The following SLC37A3 variants were observed in gnomAD, a reference collection of about 807,000 sequenced individuals.
The protein encoded by SLC37A3 is sugar phosphate exchanger 3.
Under a neutral mutation model 67.1 loss-of-function variants are expected in SLC37A3, and 51 were observed. That is an observed-to-expected ratio of 0.76 (90% CI 0.61 to 0.96). SLC37A3 has a LOEUF of 0.96. Ranked by LOEUF, SLC37A3 falls within the 40% of genes least tolerant of loss-of-function variation. The pLI is 0.00. For missense variants in SLC37A3, 508 were observed against 603.0 expected (o/e 0.84, Z 1.65); for synonymous variants, 214 against 231.4 (o/e 0.92, Z 0.68).
At chr7:140,384,567 A>G (rs1798376526) in intron 1 of SLC37A3, among the ~76,000 whole-genome samples, 1 of 150,670 alleles carries the variant, frequency 6.6e-6, no homozygotes, top group African/African-American at 2.4e-5. Context: ...AAAAAAAAAA[A>G]CAACAGCCAA....
rs797005333 is a variant in SLC37A3, at chr7:140,352,939, G to A, written c.619-793C>T. ...GTGTTTCCAGAAGTCAAATCTGAGA[G>A]CAGCTCAGAAGGTGAACTGAAATTT... On this transcript the variant is annotated intron_variant, in intron 7 of 14. Transcript: ENST00000326232. Among the ~76,000 whole-genome samples, 14 of 152,214 alleles carry A rather than the reference G, an allele frequency of 9.2e-5. No individual in the cohort carries two copies. In the South Asian group the frequency reaches 2.3e-3, roughly 25 times the overall value.
chr7:140,372,696 C>T (rs927739443), intron 3 of SLC37A3, among the ~76,000 whole-genome samples: 1 of 152,076 alleles, frequency 6.6e-6, no homozygotes, highest in Non-Finnish European at 1.5e-5. Flanking sequence ...AATCCCATCT[C>T]TGCTAAAATT....
chr7:140,382,933 T>C (rs1014077077), intron 1 of SLC37A3, among the ~76,000 whole-genome samples: 15 of 152,100 alleles, frequency 9.9e-5, no homozygotes, highest in African/African-American at 3.6e-4. Flanking sequence ...AAAAGTTCAA[T>C]CCCACTAGTA....
rs1343074478 is a variant in SLC37A3 at position 140,351,303 on chromosome 7, G to A, written c.852C>T (p.Tyr284=). 1 of 1,614,142 alleles carries A rather than the reference G, an allele frequency of 6.2e-7. No individual in the cohort carries two copies. Among genetic ancestry groups the A allele is most frequent in the Non-Finnish European group, 8.5e-7 (1 of 1,180,012 alleles). The part of the protein sequence containing the change: ...SVAQVKAISF[Y]QACCLPGVIP... Reference sequence around the variant, plus strand: ...TGACTCCAGGAAGGCAACATGCCTGGTAGAAGCTTATCGCCTTGACTTGGG... The same window carrying A: ...TGACTCCAGGAAGGCAACATGCCTGATAGAAGCTTATCGCCTTGACTTGGG... The change falls in exon 9 of 15, where the codon TAC becomes TAT. Residue 284 remains tyrosine, a synonymous_variant. Transcript: ENST00000326232.
chr7:140,355,830 T>C, intron 6 of SLC37A3, 66 bp from the exon 7 acceptor site: 1 of 1,407,286 alleles, frequency 7.1e-7, no homozygotes, highest in Non-Finnish European at 1.0e-6. Flanking sequence ...CAGTTCAAAA[T>C]ACAAAACAGC....
At chr7:140,337,436 T>G in intron 13 of SLC37A3, 87 bp from the exon 14 acceptor site, 1 of 1,095,434 alleles carries the variant, frequency 9.1e-7, no homozygotes, top group Non-Finnish European at 1.3e-6. Flanking sequence ...CATGGCTATT[T>G]TAGAAAATAA....
chr7:140,393,892 C>T (rs1020885523), intron 1 of SLC37A3, among the ~76,000 whole-genome samples: 20 of 152,124 alleles, frequency 1.3e-4, no homozygotes, highest in African/African-American at 4.6e-4. Context: ...TTTTTTGGGC[C>T]GGGCGCGATG....
chr7:140,384,241 A>G (rs929395721), intron 1 of SLC37A3, among the ~76,000 whole-genome samples: 2 of 152,248 alleles, frequency 1.3e-5, no homozygotes, highest in African/African-American at 2.4e-5. Context: ...CCGGTTATAA[A>G]TCTAATTAAC....
At chr7:140,353,588 G>A (rs1796902509) in intron 7 of SLC37A3, among the ~76,000 whole-genome samples, 1 of 151,800 alleles carries the variant, frequency 6.6e-6, no homozygotes, top group African/African-American at 2.4e-5. Context: ...CATTTTTACT[G>A]CCCAGAAATT....
At chr7:140,339,476 G>C (rs1796271643) in intron 13 of SLC37A3, among the ~76,000 whole-genome samples, 2 of 151,952 alleles carry the variant, frequency 1.3e-5, no homozygotes, top group African/African-American at 2.4e-5. Flanking sequence ...GGCCAGGCTG[G>C]TCTCGAACTC....
intron 3 of SLC37A3, chr7:140,379,147 C>T (rs1002788430): frequency 6.6e-6 from 1 of 151,900 alleles, no homozygotes; most frequent in Non-Finnish European, 1.5e-5. Flanking sequence ...GGAAACACGG[C>T]AAGACCCTGT....
chr7:140,360,731 TTAAA>T (rs1279299079), intron 5 of SLC37A3, among the ~76,000 whole-genome samples: 6 of 50,012 alleles, frequency 1.2e-4, no homozygotes, highest in African/African-American at 4.0e-4. Flanking sequence ...AAGACTCCGT[TTAAA>T]AAAAAAAAAA....
At chr7:140,339,607 T>C (rs556552729) in intron 13 of SLC37A3, among the ~76,000 whole-genome samples, 2 of 151,860 alleles carry the variant, frequency 1.3e-5, no homozygotes, top group East Asian at 3.9e-4. Context: ...CTGGGTCATA[T>C]GGTAATTCTA....
At chr7:140,355,620 G>T in intron 7 of SLC37A3, 48 bp downstream of exon 7, 1 of 1,480,000 alleles carries the variant, frequency 6.8e-7, no homozygotes, top group South Asian at 1.1e-5. Flanking sequence ...ATACACATGT[G>T]CACACAGAGA....
In SLC37A3 at chr7:140,345,936, T is replaced by C. The variant is rs1299671420; in HGVS notation, c.1059A>G (p.Leu353=). 6 of 1,613,950 alleles carry C rather than the reference T, an allele frequency of 3.7e-6. No homozygotes were observed. Among genetic ancestry groups the C allele is most frequent in the South Asian group, 1.1e-5 (1 of 91,082 alleles). The part of the protein sequence containing the change: ...GTLQGFISDV[L]QKRAPVLALS... The stretch of plus-strand genomic sequence containing the variant: ...GGGCAAGAACCGGCGCTCTCTTCTG[T>C]AGTACATCAGAGATGAAGCCTTGCA... Residue 353 remains leucine, a synonymous_variant, in exon 11 of 15, where the codon CTA becomes CTG. Transcript: ENST00000326232.
chr7:140,340,478 T>C (rs1025149642), intron 13 of SLC37A3, among the ~76,000 whole-genome samples: 1 of 152,126 alleles, frequency 6.6e-6, no homozygotes, highest in Non-Finnish European at 1.5e-5. Flanking sequence ...AATCACATTA[T>C]TACTGAAATG....
chr7:140,377,430 T>C (rs933868938), intron 3 of SLC37A3, among the ~76,000 whole-genome samples: 2 of 152,192 alleles, frequency 1.3e-5, no homozygotes, highest in Non-Finnish European at 2.9e-5. Flanking sequence ...ACTATTCTCA[T>C]GTAAGAACTG....
chr7:140,337,190 C>T, intron 14 of SLC37A3, 94 bp downstream of exon 14: 1 of 816,560 alleles, frequency 1.2e-6, no homozygotes. Context: ...CCTTTAAAAG[C>T]AATCAACAGT....
At position 140,363,102 on chromosome 7, in the gene SLC37A3, C is replaced by T. The variant is rs13242828; in HGVS notation, c.375+1306G>A. ...TCAGCCCCCCGCCCGGCCAGCCGCCCCATCCGGGAGGTGAGGGGCGCTTCT... is the reference window on the plus strand; with the variant it reads ...TCAGCCCCCCGCCCGGCCAGCCGCCTCATCCGGGAGGTGAGGGGCGCTTCT... On this transcript the variant is annotated intron_variant, in intron 5 of 14. Transcript: ENST00000326232. 2.7e-3 allele frequency among the ~76,000 whole-genome samples: 209 copies of T among 76,266 alleles called. 5 individuals are homozygous for T. The highest frequency in any genetic ancestry group is 4.1e-3 in the Admixed American group (34 of 8,276). 50.0% of individuals were successfully genotyped at this position (76,266 alleles called of 152,430 possible). A position where few individuals can be genotyped will look rare whatever the true frequency, so the allele number is the denominator to read the frequency against.
Sources: gnomAD v4.1 joint callset for allele counts (sites outside exome capture counted in the v4.1 genomes callset) on GRCh38, gnomAD v4.1.1 for gene constraint, MANE v1.5 for transcripts, NCBI Gene and HGNC (gene_info 2026-07-23, HGNC 2026-07-21) for gene names.